Variants in ABI3BP observed in about 807,000 individuals in gnomAD.
The protein encoded by ABI3BP is target of Nesh-SH3.
ABI3BP carries 216 observed loss-of-function variants against 268.6 expected under a neutral mutation model. The ratio of observed to expected loss-of-function variants is 0.80; its 90% CI spans 0.72 to 0.90. The LOEUF (loss-of-function observed/expected upper bound fraction) is 0.90, where lower values mean the gene tolerates loss of function less well. Ranked by LOEUF, ABI3BP falls within the 40% of genes least tolerant of loss-of-function variation. ABI3BP has a pLI of 0.00. For missense variants in ABI3BP, 2,090 were observed against 2,182.4 expected, an observed-to-expected ratio of 0.96 and a Z score of 0.84; for synonymous variants, 730 against 730.0, an observed-to-expected ratio of 1.00 and a Z score of 0.00.
intron 66 of ABI3BP, 89 bp from the exon 67 acceptor site, chr3:100,751,763 T>C (rs1272723586): frequency 7.6e-7 from 1 of 1,313,720 alleles, no homozygotes; most frequent in Admixed American, 2.5e-5. Flanking sequence ...TTTTGTACTT[T>C]CTCCCCTCAT....
At chr3:100,972,313 C>A (rs1576013008) in intron 1 of ABI3BP, among the ~76,000 whole-genome samples, 1 of 152,052 alleles carries the variant, frequency 6.6e-6, no homozygotes, top group Non-Finnish European at 1.5e-5. Context: ...CTAGTGCTAG[C>A]AAATATTTAT....
In ABI3BP at chr3:100,825,767, T is replaced by C; in HGVS notation, c.2662+18A>G. 6.5e-7 allele frequency: 1 copy of C among 1,529,486 alleles called. No individual in the cohort carries two copies. The highest frequency in any genetic ancestry group is 8.8e-7 in the Non-Finnish European group (1 of 1,140,962). 94.7% of individuals were successfully genotyped at this position (1,529,486 alleles called of 1,614,324 possible). The stretch of plus-strand genomic sequence containing the variant: ...CAAAAGCACTTGGCAAACAGCCAGG[T>C]AATTGTAGGGTCGTTACCTAAGGTT... On this transcript the variant is annotated intron_variant, in intron 35 of 67. Coordinates refer to ENST00000471714, the MANE Select transcript of ABI3BP (RefSeq NM_001375547.2).
chr3:100,908,946 C>T (rs200356618), intron 2 of ABI3BP, among the ~76,000 whole-genome samples: 1 of 152,142 alleles, frequency 6.6e-6, no homozygotes, highest in East Asian at 1.9e-4. Context: ...GCCTGCATAG[C>T]CAAGACAATC....
chr3:100,991,148 T>C (rs2153995363), intron 1 of ABI3BP, among the ~76,000 whole-genome samples: 1 of 152,318 alleles, frequency 6.6e-6, no homozygotes, highest in African/African-American at 2.4e-5. Flanking sequence ...GTATTTTTGT[T>C]GGTCCATAAA....
rs751214868 is a variant in ABI3BP at position 100,823,554 on chromosome 3, A to G, written c.2747-40T>C. The G allele has an allele frequency of 5.4e-6, 8 of 1,481,512 alleles. No homozygotes were observed. In the East Asian group the frequency reaches 7.4e-5, roughly 14 times the overall value. The allele number at this position is 1,481,512 out of a possible 1,614,324, so 91.8% of individuals were successfully genotyped here. A position where few individuals can be genotyped will look rare whatever the true frequency, so the allele number is the denominator to read the frequency against. On this transcript the variant is annotated intron_variant, in intron 36 of 67. Transcript: ENST00000471714. Reference sequence around the variant, plus strand: ...ATGTAAATCAAAGAGATTTTTAAACATATGAGAAGTTAGAACACTCACATG... The same window carrying G: ...ATGTAAATCAAAGAGATTTTTAAACGTATGAGAAGTTAGAACACTCACATG...
intron 14 of ABI3BP, among the ~76,000 whole-genome samples, chr3:100,858,945 C>T (rs2098967662): frequency 6.6e-6 from 1 of 152,192 alleles, no homozygotes; most frequent in African/African-American, 2.4e-5. Context: ...CTCTGCTGGT[C>T]TTGCCTTCTA....
At chr3:100,881,487 A>T (rs1263698249) in intron 6 of ABI3BP, among the ~76,000 whole-genome samples, 1 of 152,188 alleles carries the variant, frequency 6.6e-6, no homozygotes, top group Non-Finnish European at 1.5e-5. Flanking sequence ...TGCTTTCAAA[A>T]ATCTGTTAAT....
intron 9 of ABI3BP, among the ~76,000 whole-genome samples, chr3:100,869,140 T>C (rs2099082140): frequency 6.6e-6 from 1 of 152,012 alleles, no homozygotes; most frequent in Non-Finnish European, 1.5e-5. Context: ...GTCCAGATCC[T>C]AGACTTTCAC....
chr3:100,827,387 G>C (rs2098407927), intron 34 of ABI3BP, among the ~76,000 whole-genome samples: 1 of 152,012 alleles, frequency 6.6e-6, no homozygotes, highest in Non-Finnish European at 1.5e-5. Flanking sequence ...ATTTCTATCA[G>C]TGACAGGCTC....
rs190282087 is a variant in ABI3BP at position 100,874,748 on chromosome 3, A to G, written c.910+93T>C. 193 of 715,614 alleles carry G rather than the reference A, an allele frequency of 2.7e-4. 3 individuals are homozygous for G. In the East Asian group the frequency reaches 3.4e-3, roughly 13 times the overall value. 44.3% of individuals were successfully genotyped at this position (715,614 alleles called of 1,614,324 possible). A position where few individuals can be genotyped will look rare whatever the true frequency, so the allele number is the denominator to read the frequency against. On this transcript the variant is annotated intron_variant, in intron 9 of 67. Transcript: ENST00000471714. ...TACTTTTTTACTTTGAGATCCTCAA[A>G]CAGCTCATTAGCAAGATTCTTTGGA...
rs146655818 is a variant in ABI3BP, at chr3:100,964,324, G to A, written c.79+28982C>T. 1.5e-4 allele frequency among the ~76,000 whole-genome samples: 23 copies of A among 152,308 alleles called. No individual in the cohort carries two copies. The East Asian group carries it at 4.4e-3, about 29-fold the overall frequency. Reference sequence around the variant, plus strand: ...GGGACCAGCCTTCTTTGGGCACTATGTAAATGTCATACCTGATCAAACTAA... The same window carrying A: ...GGGACCAGCCTTCTTTGGGCACTATATAAATGTCATACCTGATCAAACTAA... On this transcript the variant is annotated intron_variant, in intron 1 of 67. Transcript: ENST00000471714.
At chr3:100,827,562 A>T (rs2098411149) in intron 34 of ABI3BP, among the ~76,000 whole-genome samples, 1 of 152,170 alleles carries the variant, frequency 6.6e-6, no homozygotes, top group African/African-American at 2.4e-5. Flanking sequence ...GCTTCTGCAC[A>T]TCATAGACTT....
At chr3:100,993,187 A>G (rs1468463869) in intron 1 of ABI3BP, 119 bp downstream of exon 1, 5 of 684,598 alleles carry the variant, frequency 7.3e-6, no homozygotes, top group African/African-American at 1.8e-5. Context: ...TGAACTTTGA[A>G]TCTCTGCAGA....
At chr3:100,840,506 G>A (rs769369663) in intron 22 of ABI3BP, among the ~76,000 whole-genome samples, 3 of 152,102 alleles carry the variant, frequency 2.0e-5, no homozygotes, top group Non-Finnish European at 2.9e-5. Context: ...AGCCATTTGG[G>A]ATAAAAATTA....
At chr3:100,750,738 T>G in intron 67 of ABI3BP, 128 bp from the exon 68 acceptor site, 1 of 641,834 alleles carries the variant, frequency 1.6e-6, no homozygotes, top group Non-Finnish European at 2.6e-6. Flanking sequence ...TTTAGAAAAC[T>G]GAGAGCAAGA....
chr3:100,930,221 G>T (rs1421831768), intron 1 of ABI3BP, among the ~76,000 whole-genome samples: 1 of 151,898 alleles, frequency 6.6e-6, no homozygotes, highest in African/African-American at 2.4e-5. Context: ...CACCAGAAGA[G>T]CCCAGGAATT....
chr3:100,979,987 T>C (rs986198116), intron 1 of ABI3BP, among the ~76,000 whole-genome samples: 5 of 152,216 alleles, frequency 3.3e-5, no homozygotes, highest in Admixed American at 6.5e-5. Flanking sequence ...AATCCAATGG[T>C]ATTTCTTATT....
At chr3:100,936,957 T>C (rs549560652) in intron 1 of ABI3BP, among the ~76,000 whole-genome samples, 6 of 151,992 alleles carry the variant, frequency 3.9e-5, no homozygotes, top group Non-Finnish European at 7.4e-5. Context: ...TTTTGAAGGG[T>C]TTTTCATGTC....
chr3:100,900,725 A>G (rs754572324), intron 3 of ABI3BP, among the ~76,000 whole-genome samples: 1 of 152,222 alleles, frequency 6.6e-6, no homozygotes, highest in Admixed American at 6.5e-5. Flanking sequence ...CTAATCCCTT[A>G]GTCATTACAT....
Sources: gnomAD v4.1 joint callset for allele counts (sites outside exome capture counted in the v4.1 genomes callset) on GRCh38, gnomAD v4.1.1 for gene constraint, MANE v1.5 for transcripts, NCBI Gene and HGNC (gene_info 2026-07-23, HGNC 2026-07-21) for gene names.